Variants in PDPK1 observed in about 807,000 individuals in gnomAD.
The protein encoded by PDPK1 is 3-phosphoinositide-dependent protein kinase 1.
Under a neutral mutation model 39.8 loss-of-function variants are expected in PDPK1, and 7 were observed. The ratio of observed to expected loss-of-function variants is 0.18; its 90% CI spans 0.10 to 0.33. PDPK1 has a LOEUF of 0.33. Ranked by LOEUF, PDPK1 falls within the 10% of genes least tolerant of loss-of-function variation. The pLI, the probability that PDPK1 is intolerant of heterozygous loss-of-function variation, is 1.00. For synonymous variants in PDPK1, 118 were observed against 159.1 expected (o/e 0.74, Z 1.95); for missense variants, 182 against 384.7 (o/e 0.47, Z 4.41).
Position 2,597,117 on chromosome 16 carries a change from C to A in PDPK1, c.1402-6C>A, listed in dbSNP as rs960374377. 6.5e-7 allele frequency: 1 copy of A among 1,550,320 alleles called. No individual in the cohort carries two copies. Among genetic ancestry groups the A allele is most frequent in the Non-Finnish European group, 8.8e-7 (1 of 1,140,250 alleles). On this transcript the variant is annotated splice_polypyrimidine_tract_variant and splice_region_variant and intron_variant, in intron 12 of 13. Coordinates refer to ENST00000342085, the MANE Select transcript of PDPK1 (RefSeq NM_002613.5). This position sits in a 1 kb window ranked among gnomAD's most constrained non-coding sequence, Gnocchi z 6.3. ...TGAGGCCTGTTGTTTTGTGTTTTGG[C>A]GTCAGGGTTTATTTGCAAGACGACG...
At position 2,542,098 on chromosome 16, in the gene PDPK1, G is replaced by T. The variant is rs570156649; in HGVS notation, c.24+3962G>T. ...AGAAATTCCAGGTCATTTAGAATGT[G>T]TTAAGATTGAGTTTCTGGGCTACAC... On this transcript the variant is annotated intron_variant, in intron 1 of 13. Coordinates refer to ENST00000342085, the MANE Select transcript of PDPK1 (RefSeq NM_002613.5). Among the ~76,000 whole-genome samples, 35 of 152,348 alleles carry T rather than the reference G, an allele frequency of 2.3e-4. 1 individual carries two copies. The South Asian group carries it at 7.1e-3, about 31-fold the overall frequency.
chr16:2,551,370 C>G (rs542536068), intron 1 of PDPK1, among the ~76,000 whole-genome samples: 3 of 151,574 alleles, frequency 2.0e-5, no homozygotes, highest in Non-Finnish European at 4.4e-5. Flanking sequence ...ATGTTCTTTG[C>G]CAGTGAGCAC....
intron 11 of PDPK1, chr16:2,592,598 C>A (rs2067012275): frequency 2.8e-6 from 1 of 359,256 alleles, no homozygotes; most frequent in South Asian, 2.1e-5. Context: ...TCGCTTGAAC[C>A]CAGGAGGCAG....
rs1308180902 is a variant in PDPK1, at chr16:2,551,670, TTTTTTTTTG to T, written c.25-6027_25-6019del. 2.4e-3 allele frequency among the ~76,000 whole-genome samples: 335 copies of T among 138,436 alleles called. 3 individuals carry two copies. Among genetic ancestry groups the T allele is most frequent in the African/African-American group, 0.011 (320 of 29,498 alleles). 90.8% of individuals were successfully genotyped at this position (138,436 alleles called of 152,430 possible). A position where few individuals can be genotyped will look rare whatever the true frequency, so the allele number is the denominator to read the frequency against. ...GCCCTGATTTCCATCTTTTTTTTTT[TTTTTTTTTG>T]TTTTTAGACGGAGTTTCGCTTTTTT... On this transcript the variant is annotated intron_variant, in intron 1 of 13. Transcript: ENST00000342085.
intron 10 of PDPK1, among the ~76,000 whole-genome samples, chr16:2,585,845 C>G (rs1395394161): frequency 6.6e-6 from 1 of 152,208 alleles, no homozygotes; most frequent in African/African-American, 2.4e-5. Flanking sequence ...GCAGCCAGGG[C>G]CTGCGTCTGG....
Position 2,603,123 on chromosome 16 carries a change from A to T in PDPK1, c.*5356A>T, listed in dbSNP as rs2067254096. The T allele has an allele frequency of 4.5e-6, 1 of 224,028 alleles. No homozygotes were observed. The highest frequency in any genetic ancestry group is 8.9e-6 in the Non-Finnish European group (1 of 112,628). 13.9% of individuals were successfully genotyped at this position (224,028 alleles called of 1,614,324 possible). A position where few individuals can be genotyped will look rare whatever the true frequency, so the allele number is the denominator to read the frequency against. ...TTCCAAATACTTGTGCTTTAGGTGT[A>T]GTTACCAGATGATGAATTTTCCTCG... On this transcript the variant is annotated 3_prime_UTR_variant, in exon 14 of 14. Transcript: ENST00000342085.
rs1597078907 is a variant in PDPK1, at chr16:2,597,305, C to T, written c.1554+30C>T. On this transcript the variant is annotated intron_variant, in intron 13 of 13. Transcript: ENST00000342085. This position sits in a 1 kb window ranked among gnomAD's most constrained non-coding sequence, Gnocchi z 6.3. Reference sequence around the variant, plus strand: ...GTCTGTTCCCAGGGATTTCTGTGTGCAGGGTAATGGGAGGGCTTTGCACCA... The same window carrying T: ...GTCTGTTCCCAGGGATTTCTGTGTGTAGGGTAATGGGAGGGCTTTGCACCA... 3 of 1,554,356 alleles carry T rather than the reference C, an allele frequency of 1.9e-6. No homozygotes were observed. In the East Asian group the frequency reaches 6.8e-5, roughly 35 times the overall value.
chr16:2,593,068 A>G lies in PDPK1; in HGVS notation c.1344-2725A>G. 1 of 456,210 alleles carries G rather than the reference A, an allele frequency of 2.2e-6. No homozygotes were observed. The allele number at this position is 456,210 out of a possible 1,614,324, so 28.3% of individuals were successfully genotyped here. A position where few individuals can be genotyped will look rare whatever the true frequency, so the allele number is the denominator to read the frequency against. On this transcript the variant is annotated intron_variant, in intron 11 of 13. Transcript: ENST00000342085. This position sits in a 1 kb window ranked among gnomAD's most constrained non-coding sequence, Gnocchi z 4.2. ...ATTTCTGGAAGCGAGGCTACTTCTC[A>G]GTACTATTTCCGAATCGCTTCCTCA...
rs1471543930 is a variant in PDPK1 at position 2,602,770 on chromosome 16, G to A, written c.*5003G>A. On this transcript the variant is annotated 3_prime_UTR_variant, in exon 14 of 14. Transcript: ENST00000342085. The stretch of plus-strand genomic sequence containing the variant: ...TCTGTAGCTGTAACTGTGATGTACA[G>A]ACAAAGCAAAAATTAAAAGAACTTA... 1.3e-5 allele frequency: 3 copies of A among 234,458 alleles called. No homozygotes were observed. The highest frequency in any genetic ancestry group is 8.5e-6 in the Non-Finnish European group (1 of 117,960). 14.5% of individuals were successfully genotyped at this position (234,458 alleles called of 1,614,324 possible).
At chr16:2,596,098 T>G (rs1038636466) in intron 12 of PDPK1, among the ~76,000 whole-genome samples, 1 of 152,240 alleles carries the variant, frequency 6.6e-6, no homozygotes, top group Non-Finnish European at 1.5e-5. Flanking sequence ...GCTGCCTGTT[T>G]TGAGGTTTCC....
intron 2 of PDPK1, among the ~76,000 whole-genome samples, chr16:2,558,684 G>A (rs1053862501): frequency 1.3e-4 from 19 of 148,104 alleles, no homozygotes; most frequent in Middle Eastern, 3.2e-3. Context: ...TGAGCAACTC[G>A]GGGTGTACTG....
chr16:2,595,906 C>T (rs2067092295), intron 12 of PDPK1, 56 bp downstream of exon 12: 3 of 1,332,402 alleles, frequency 2.3e-6, no homozygotes, highest in East Asian at 2.3e-5. Context: ...TCCCCGACTC[C>T]AGCTTAGGGG....
intron 1 of PDPK1, among the ~76,000 whole-genome samples, chr16:2,542,128 C>G: frequency 6.6e-6 from 1 of 152,264 alleles, no homozygotes; most frequent in East Asian, 1.9e-4. Context: ...CTACACATCC[C>G]TTATAAGAGC....
chr16:2,589,444 C>G (rs924718773), intron 11 of PDPK1, among the ~76,000 whole-genome samples: 4 of 152,142 alleles, frequency 2.6e-5, no homozygotes, highest in African/African-American at 7.2e-5. Context: ...AATCCCAGCA[C>G]TTTGGAGGCC....
Position 2,601,003 on chromosome 16 carries a change from T to C in PDPK1, c.*3236T>C, listed in dbSNP as rs2067204910. 1 of 231,434 alleles carries C rather than the reference T, an allele frequency of 4.3e-6. No individual in the cohort carries two copies. Among genetic ancestry groups the C allele is most frequent in the African/African-American group, 2.3e-5 (1 of 44,256 alleles). The allele number at this position is 231,434 out of a possible 1,614,324, so 14.3% of individuals were successfully genotyped here. The stretch of plus-strand genomic sequence containing the variant: ...CTATTTAGTCATTGTCCATTTACTA[T>C]AATTTATCTGACCATTTCCCTACTG... On this transcript the variant is annotated 3_prime_UTR_variant, in exon 14 of 14. Transcript: ENST00000342085.
At position 2,600,012 on chromosome 16, in the gene PDPK1, C is replaced by G. The variant is rs1457147809; in HGVS notation, c.*2245C>G. ...AAAATGATGCCATTGCCTGAGCTGA[C>G]AGCCAAGCCCTTCTGTGGGTCACCT... On this transcript the variant is annotated 3_prime_UTR_variant, in exon 14 of 14. Transcript: ENST00000342085. 6 of 233,088 alleles carry G rather than the reference C, an allele frequency of 2.6e-5. No individual in the cohort carries two copies. Among genetic ancestry groups the G allele is most frequent in the Non-Finnish European group, 5.1e-5 (6 of 118,140 alleles). The allele number at this position is 233,088 out of a possible 1,614,324, so 14.4% of individuals were successfully genotyped here. A position where few individuals can be genotyped will look rare whatever the true frequency, so the allele number is the denominator to read the frequency against.
At chr16:2,543,978 G>A (rs1396483051) in intron 1 of PDPK1, among the ~76,000 whole-genome samples, 11 of 149,060 alleles carry the variant, frequency 7.4e-5, no homozygotes, top group Non-Finnish European at 1.3e-4. Flanking sequence ...CAGGTGATCC[G>A]CCCACCTCGG....
In PDPK1 at chr16:2,593,814, C is replaced by CA. The variant is rs2067042876; in HGVS notation, c.1344-1978dup. 3 of 152,704 alleles carry CA rather than the reference C, an allele frequency of 2.0e-5. No homozygotes were observed. Among genetic ancestry groups the CA allele is most frequent in the Admixed American group, 1.3e-4 (2 of 15,312 alleles). The allele number at this position is 152,704 out of a possible 1,614,324, so 9.5% of individuals were successfully genotyped here. A position where few individuals can be genotyped will look rare whatever the true frequency, so the allele number is the denominator to read the frequency against. On this transcript the variant is annotated intron_variant, in intron 11 of 13. Coordinates refer to ENST00000342085, the MANE Select transcript of PDPK1 (RefSeq NM_002613.5). The surrounding 1 kb of genome is among the most constrained non-coding windows in gnomAD (Gnocchi z 4.2). ...CTTCCTGCCGGCTCTGTGGTCCCTC[C>CA]AGGCATTTCTGTGCTCTATGCTTTC...
At chr16:2,589,176 G>A (rs2066937906) in intron 11 of PDPK1, among the ~76,000 whole-genome samples, 2 of 152,108 alleles carry the variant, frequency 1.3e-5, no homozygotes, top group African/African-American at 2.4e-5. Flanking sequence ...GTCTGGTTTC[G>A]AACTCCTGAC....
Sources: allele counts gnomAD v4.1 joint callset (sites outside exome capture counted in the v4.1 genomes callset), GRCh38; gene constraint gnomAD v4.1.1; non-coding constraint Gnocchi (gnomAD v3.1); transcripts MANE v1.5; gene names NCBI Gene and HGNC (gene_info 2026-07-23, HGNC 2026-07-21).